Variants in RAC1 observed in about 807,000 individuals in gnomAD.
The protein encoded by RAC1 is Rac family small GTPase 1.
In RAC1, 2 loss-of-function variants were observed where a neutral mutation model predicts 25.2. The ratio of observed to expected loss-of-function variants is 0.08; its 90% CI spans 0.03 to 0.25. The LOEUF (loss-of-function observed/expected upper bound fraction) is 0.25, where lower values mean the gene tolerates loss of function less well. Among genes scored for constraint, RAC1 ranks in the 10% least tolerant of loss-of-function variants. The pLI is 1.00. For synonymous variants in RAC1, 88 were observed against 94.0 expected (o/e 0.94, Z 0.37); for missense variants, 50 against 235.7 (o/e 0.21, Z 5.16).
intron 3 of RAC1, chr7:6,399,923 T>C: frequency 1.7e-6 from 1 of 587,250 alleles, no homozygotes; most frequent in South Asian, 2.2e-5. Flanking sequence ...CCCATTTTCA[T>C]AAGTAACTGG....
At chr7:6,402,191 A>C (rs754545731) in intron 5 of RAC1, 125 bp from the exon 6 acceptor site, 38 of 1,468,160 alleles carry the variant, frequency 2.6e-5, no homozygotes, top group Non-Finnish European at 3.1e-5. Context: ...TCAGCGTTGG[A>C]AGGTGGAAGC....
chr7:6,389,308 C>T (rs1783016923), intron 2 of RAC1, among the ~76,000 whole-genome samples: 1 of 152,018 alleles, frequency 6.6e-6, no homozygotes, highest in Non-Finnish European at 1.5e-5. Context: ...CCTCTTAGTA[C>T]ACACTGCCAT....
At chr7:6,401,799 G>C (rs1240176158) in intron 4 of RAC1, 69 bp from the exon 5 acceptor site, 2 of 1,521,702 alleles carry the variant, frequency 1.3e-6, no homozygotes, top group Admixed American at 3.8e-5. Context: ...GCCGCCGGCT[G>C]GGTGTGATTT....
intron 1 of RAC1, among the ~76,000 whole-genome samples, chr7:6,386,808 AAAAAAG>A (rs1782936167): frequency 6.6e-6 from 1 of 151,658 alleles, no homozygotes; most frequent in East Asian, 1.9e-4. Flanking sequence ...AAAAAAAGAA[AAAAAAG>A]AAAAAAAGAA....
chr7:6,401,484 T>C (rs1783397995), intron 4 of RAC1: 1 of 155,582 alleles, frequency 6.4e-6, no homozygotes, highest in African/African-American at 2.4e-5. Flanking sequence ...TAGTTTATTC[T>C]CATTTCTGAA....
At position 6,379,817 on chromosome 7, in the gene RAC1, G is replaced by A. The variant is rs28624716; in HGVS notation, c.35+5047G>A. ...AGGCCGGGGTGCAGTGGCATGATAT[G>A]GGCTCATGGCAACCTCTGCCTCCTG... On this transcript the variant is annotated intron_variant, in intron 1 of 5. Coordinates refer to ENST00000348035, the MANE Select transcript of RAC1 (RefSeq NM_006908.5). Among the ~76,000 whole-genome samples, 1,124 of 151,618 alleles carry A rather than the reference G, an allele frequency of 7.4e-3. 20 individuals are homozygous for A. Among genetic ancestry groups the A allele is most frequent in the African/African-American group, 0.026 (1,078 of 41,336 alleles).
At position 6,401,665 on chromosome 7, in the gene RAC1, G is replaced by C. The variant is rs6955011; in HGVS notation, c.289-203G>C. Reference sequence around the variant, plus strand: ...GTGGTTCTGTCCAGCCATGATCCGGGAGTCCTAGCTTGCTAATGGAACACC... The same window carrying C: ...GTGGTTCTGTCCAGCCATGATCCGGCAGTCCTAGCTTGCTAATGGAACACC... On this transcript the variant is annotated intron_variant, in intron 4 of 5. Coordinates refer to ENST00000348035, the MANE Select transcript of RAC1 (RefSeq NM_006908.5). The C allele has an allele frequency of 4.2e-3, 1,909 of 453,600 alleles. 25 individuals carry two copies. Among genetic ancestry groups the C allele is most frequent in the African/African-American group, 0.035 (1,756 of 49,846 alleles). The allele number at this position is 453,600 out of a possible 1,614,324, so 28.1% of individuals were successfully genotyped here. A position where few individuals can be genotyped will look rare whatever the true frequency, so the allele number is the denominator to read the frequency against.
rs1045525228 is a variant in RAC1 at position 6,375,316 on chromosome 7, C to T, written c.35+546C>T. On this transcript the variant is annotated intron_variant, in intron 1 of 5. Transcript: ENST00000348035. ...TGTTGCCCAGGCCGGTCTCGAACTC[C>T]TGGGTTCAAGCAATCCTCCCATCCC... Among the ~76,000 whole-genome samples the T allele has an allele frequency of 1.4e-4, 22 of 152,156 alleles. No individual in the cohort carries two copies. In the East Asian group the frequency reaches 4.3e-3, roughly 29 times the overall value.
In RAC1 at chr7:6,398,419, C is replaced by A. The variant is rs754203417; in HGVS notation, c.226-1707C>A. Among the ~76,000 whole-genome samples, 19 of 152,300 alleles carry A rather than the reference C, an allele frequency of 1.2e-4. No homozygotes were observed. In the East Asian group the frequency reaches 1.5e-3, roughly 12 times the overall value. The stretch of plus-strand genomic sequence containing the variant: ...TGGGAGGAGGAGCACGTTGTTGCCC[C>A]CCCTCAGGATCTCCCTGACCTCTGT... On this transcript the variant is annotated intron_variant, in intron 3 of 5. Coordinates refer to ENST00000348035, the MANE Select transcript of RAC1 (RefSeq NM_006908.5).
At chr7:6,379,268 AT>A (rs768891793) in intron 1 of RAC1, among the ~76,000 whole-genome samples, 16,007 of 105,618 alleles carry the variant, frequency 0.15, 1,250 homozygotes, top group African/African-American at 0.32. Context: ...TGCCGAGGTA[AT>A]TTTTTTTTTT....
intron 1 of RAC1, among the ~76,000 whole-genome samples, chr7:6,377,886 CAG>C (rs1043424815): frequency 9.2e-5 from 14 of 152,270 alleles, no homozygotes; most frequent in African/African-American, 3.4e-4. Context: ...GCTTGGGTGA[CAG>C]AGGGAAACTG....
At position 6,387,376 on chromosome 7, in the gene RAC1, C is replaced by T. The variant is rs1731243232; in HGVS notation, c.107+93C>T. On this transcript the variant is annotated intron_variant, in intron 2 of 5. Transcript: ENST00000348035. ...TTGCTGTAAAGCCATCTTTAATCCT[C>T]ATATGAACAGATACTAATTTTTTCT... The T allele has an allele frequency of 1.5e-5, 13 of 870,228 alleles. No individual in the cohort carries two copies. In the South Asian group the frequency reaches 1.9e-4, roughly 12 times the overall value. The allele number at this position is 870,228 out of a possible 1,614,324, so 53.9% of individuals were successfully genotyped here.
At chr7:6,391,114 T>C (rs918422082) in intron 2 of RAC1, among the ~76,000 whole-genome samples, 1 of 152,180 alleles carries the variant, frequency 6.6e-6, no homozygotes, top group Middle Eastern at 3.2e-3. Context: ...GCCAGGCTGG[T>C]CTCGAACTCT....
At chr7:6,379,042 T>G (rs836489) in intron 1 of RAC1, among the ~76,000 whole-genome samples, 94,072 of 151,806 alleles carry the variant, frequency 0.62, 31,027 homozygotes, top group East Asian at 0.91. Context: ...AGTGAGCCAA[T>G]ATCGTGCCAC....
chr7:6,375,208 T>TG (rs1348688441), intron 1 of RAC1, among the ~76,000 whole-genome samples: 1 of 152,118 alleles, frequency 6.6e-6, no homozygotes, highest in Non-Finnish European at 1.5e-5. Context: ...TCATATTTGA[T>TG]GCATGCTTGA....
intron 3 of RAC1, 90 bp from the exon 4 acceptor site, chr7:6,400,036 C>A: frequency 8.5e-7 from 1 of 1,176,362 alleles, no homozygotes; most frequent in Non-Finnish European, 1.3e-6. Flanking sequence ...CTGCGTCCAA[C>A]AAGTCCTTCC....
In RAC1 at chr7:6,393,015, G is replaced by A. The variant is rs35573362; in HGVS notation, c.225+974G>A. On this transcript the variant is annotated intron_variant, in intron 3 of 5. Transcript: ENST00000348035. ...CGGGTGGGTCGGCCTAAAGAGTGCTGCTTTCCACGTTGTGCCCAAATGAGT... is the reference window on the plus strand; with the variant it reads ...CGGGTGGGTCGGCCTAAAGAGTGCTACTTTCCACGTTGTGCCCAAATGAGT... Among the ~76,000 whole-genome samples the A allele has an allele frequency of 8.9e-3, 1,350 of 152,306 alleles. 24 individuals carry two copies. The highest frequency in any genetic ancestry group is 0.031 in the African/African-American group (1,294 of 41,558).
In RAC1 at chr7:6,403,228, T is replaced by TAA. The variant is rs1783470417; in HGVS notation, c.*786_*787dup. ...GTACAAGGAATGAAAGTGTCACGGGTAAAAACTCTAAAAGGTTAATTTCTG... is the reference window on the plus strand; with the variant it reads ...GTACAAGGAATGAAAGTGTCACGGGTAAAAAAACTCTAAAAGGTTAATTTCTG... On this transcript the variant is annotated 3_prime_UTR_variant, in exon 6 of 6. Transcript: ENST00000348035. The TAA allele has an allele frequency of 4.5e-6, 1 of 219,998 alleles. No individual in the cohort carries two copies. Among genetic ancestry groups the TAA allele is most frequent in the East Asian group, 6.7e-5 (1 of 14,904 alleles). 13.6% of individuals were successfully genotyped at this position (219,998 alleles called of 1,614,324 possible). A position where few individuals can be genotyped will look rare whatever the true frequency, so the allele number is the denominator to read the frequency against.
chr7:6,382,907 T>A (rs1000691830), intron 1 of RAC1, among the ~76,000 whole-genome samples: 3 of 152,126 alleles, frequency 2.0e-5, no homozygotes, highest in African/African-American at 7.2e-5. Flanking sequence ...AAGAACATAA[T>A]AGCAACATAA....
Sources: allele counts gnomAD v4.1 joint callset (sites outside exome capture counted in the v4.1 genomes callset), GRCh38; gene constraint gnomAD v4.1.1; transcripts MANE v1.5; gene names NCBI Gene and HGNC (gene_info 2026-07-23, HGNC 2026-07-21).